The following CADPS2 variants were observed in gnomAD, a reference collection of about 807,000 sequenced individuals.
The protein encoded by CADPS2 is calcium-dependent secretion activator 2.
A neutral mutation model predicts 172.5 loss-of-function variants in CADPS2; 93 were observed. The ratio of observed to expected loss-of-function variants is 0.54; its 90% CI spans 0.46 to 0.64. The LOEUF (loss-of-function observed/expected upper bound fraction) is 0.64. CADPS2 is among the 30% of genes least tolerant of loss of function. CADPS2 has a pLI of 0.00. For synonymous variants in CADPS2, 546 were observed against 555.2 expected, an observed-to-expected ratio of 0.98 and a Z score of 0.23; for missense variants, 1,420 against 1,565.9, an observed-to-expected ratio of 0.91 and a Z score of 1.57.
At chr7:122,833,315 GAATT>G (rs1807190013) in intron 1 of CADPS2, among the ~76,000 whole-genome samples, 1 of 152,088 alleles carries the variant, frequency 6.6e-6, no homozygotes, top group Non-Finnish European at 1.5e-5. Context: ...ATTCAAGAAA[GAATT>G]AATAAATTGA....
intron 9 of CADPS2, among the ~76,000 whole-genome samples, chr7:122,508,518 G>A (rs1202132839): frequency 1.6e-5 from 2 of 122,022 alleles, no homozygotes; most frequent in Admixed American, 1.0e-4. Flanking sequence ...AGGCTAGAGT[G>A]CAGTGGTGCA....
intron 7 of CADPS2, among the ~76,000 whole-genome samples, chr7:122,577,375 G>A (rs376412349): frequency 2.1e-4 from 32 of 152,048 alleles, no homozygotes; most frequent in African/African-American, 7.2e-4. Context: ...TGGCAAACTC[G>A]CAACTGTTGT....
intron 7 of CADPS2, among the ~76,000 whole-genome samples, chr7:122,575,779 T>C (rs369030471): frequency 6.6e-6 from 1 of 152,298 alleles, no homozygotes; most frequent in Non-Finnish European, 1.5e-5. Context: ...AGGCATTTCA[T>C]AAAATATTTA....
chr7:122,704,766 A>T (rs1301218633), intron 2 of CADPS2, among the ~76,000 whole-genome samples: 1 of 152,046 alleles, frequency 6.6e-6, no homozygotes, highest in Non-Finnish European at 1.5e-5. Flanking sequence ...TATCTCTTAA[A>T]AAGTGGTTTT....
chr7:122,642,281 A>C (rs1456650744), intron 3 of CADPS2, among the ~76,000 whole-genome samples: 1 of 146,498 alleles, frequency 6.8e-6, no homozygotes, highest in Non-Finnish European at 1.5e-5. Flanking sequence ...CTCCATCTCA[A>C]AAAAAAAAAA....
In CADPS2 at chr7:122,850,062, G is replaced by A. The variant is rs180921912; in HGVS notation, c.339+35937C>T. 10,888 of 1,354,254 alleles carry A rather than the reference G, an allele frequency of 8.0e-3. 50 individuals carry two copies. The highest frequency in any genetic ancestry group is 9.5e-3 in the Non-Finnish European group (9,889 of 1,036,288). The allele number at this position is 1,354,254 out of a possible 1,614,324, so 83.9% of individuals were successfully genotyped here. ...GCAGTTTGATGATGAAGACCTGGGG[G>A]CCTTGCTTGGCAACAGCACAGACCC... On this transcript the variant is annotated intron_variant, in intron 1 of 29. Coordinates refer to ENST00000449022, the MANE Select transcript of CADPS2 (RefSeq NM_017954.11).
chr7:122,474,233 A>C (rs188252506), intron 13 of CADPS2, 148 bp downstream of exon 13: 1 of 805,204 alleles, frequency 1.2e-6, no homozygotes, highest in Non-Finnish European at 1.9e-6. Flanking sequence ...TTTATCCCTC[A>C]CTCCCACTAC....
At chr7:122,660,970 A>G (rs1378835190) in intron 3 of CADPS2, among the ~76,000 whole-genome samples, 1 of 152,142 alleles carries the variant, frequency 6.6e-6, no homozygotes, top group African/African-American at 2.4e-5. Context: ...TCCACTTTAA[A>G]AATAAAGACT....
chr7:122,663,570 C>G lies in CADPS2; in HGVS notation c.454-1G>C. 1 of 1,555,964 alleles carries G rather than the reference C, an allele frequency of 6.4e-7. No individual in the cohort carries two copies. Among genetic ancestry groups the G allele is most frequent in the South Asian group, 1.2e-5 (1 of 84,716 alleles). On this transcript the variant is annotated splice_acceptor_variant, in intron 2 of 29. Coordinates refer to ENST00000449022, the MANE Select transcript of CADPS2 (RefSeq NM_017954.11). LOFTEE classifies it high-confidence loss of function. The stretch of plus-strand genomic sequence containing the variant: ...CCACTCGGTCACTCTTTAGAAAAAC[C>G]TGAAAACAAAACAAAACAAAACAAA...
intron 25 of CADPS2, among the ~76,000 whole-genome samples, chr7:122,365,649 G>C (rs1321881846): frequency 1.3e-5 from 2 of 152,114 alleles, no homozygotes; most frequent in African/African-American, 2.4e-5. Flanking sequence ...TGAGGGTGTC[G>C]GGTTGGAATG....
At chr7:122,384,368 C>T (rs1318536755) in intron 24 of CADPS2, among the ~76,000 whole-genome samples, 1 of 151,974 alleles carries the variant, frequency 6.6e-6, no homozygotes, top group African/African-American at 2.4e-5. Context: ...AAAAACATTG[C>T]TGCTATGTTT....
intron 7 of CADPS2, among the ~76,000 whole-genome samples, chr7:122,565,746 C>T (rs1335482483): frequency 3.3e-5 from 5 of 152,146 alleles, no homozygotes; most frequent in African/African-American, 1.2e-4. Flanking sequence ...CACTATACAA[C>T]ATGTTTTAAT....
At chr7:122,534,385 A>G (rs1487532689) in intron 8 of CADPS2, among the ~76,000 whole-genome samples, 1 of 152,142 alleles carries the variant, frequency 6.6e-6, no homozygotes, top group African/African-American at 2.4e-5. Context: ...GTGATATTTC[A>G]GCAAAGTAAC....
chr7:122,844,903 G>C (rs1182146672), intron 1 of CADPS2, among the ~76,000 whole-genome samples: 1 of 141,524 alleles, frequency 7.1e-6, no homozygotes, highest in East Asian at 2.0e-4. Context: ...AATGAAAAAA[G>C]GTAAAAAAAA....
rs886926450 is a variant in CADPS2, at chr7:122,712,647, A to G, written c.453+24308T>C. ...GAAGGAAGGACCAGAGAAGCACAGT[A>G]TCTTAGTCTGTTTGGGCTGTTATAA... On this transcript the variant is annotated intron_variant, in intron 2 of 29. Coordinates refer to ENST00000449022, the MANE Select transcript of CADPS2 (RefSeq NM_017954.11). Among the ~76,000 whole-genome samples the G allele has an allele frequency of 2.0e-5, 3 of 152,256 alleles. 1 individual carries two copies. The highest frequency in any genetic ancestry group is 7.2e-5 in the African/African-American group (3 of 41,568).
chr7:122,707,314 A>G (rs1038010267), intron 2 of CADPS2, among the ~76,000 whole-genome samples: 9 of 151,962 alleles, frequency 5.9e-5, no homozygotes, highest in African/African-American at 2.2e-4. Context: ...CATGTATCCT[A>G]TAACTTCCAG....
At chr7:122,852,391 A>C (rs902673008) in intron 1 of CADPS2, among the ~76,000 whole-genome samples, 1 of 152,228 alleles carries the variant, frequency 6.6e-6, no homozygotes, top group African/African-American at 2.4e-5. Context: ...ATGTGTGTCA[A>C]GGGGGAAGAT....
chr7:122,522,376 A>G (rs2131061229), intron 8 of CADPS2, among the ~76,000 whole-genome samples: 1 of 152,114 alleles, frequency 6.6e-6, no homozygotes, highest in East Asian at 1.9e-4. Flanking sequence ...CAGCCTCCCA[A>G]AGTGCTGGGA....
chr7:122,351,465 G>A (rs1406171114), intron 27 of CADPS2, among the ~76,000 whole-genome samples: 4 of 147,614 alleles, frequency 2.7e-5, no homozygotes, highest in Non-Finnish European at 3.0e-5. Flanking sequence ...TAAATTTAGC[G>A]GTATTCAAAA....
Sources: gnomAD v4.1 joint callset for allele counts (sites outside exome capture counted in the v4.1 genomes callset) on GRCh38, gnomAD v4.1.1 for gene constraint, MANE v1.5 for transcripts, NCBI Gene and HGNC (gene_info 2026-07-23, HGNC 2026-07-21) for gene names.